DENND1A: variants seen among roughly 807,000 people sequenced by gnomAD.
DENND1A encodes DENN domain-containing protein 1A.
A neutral mutation model predicts 113.7 loss-of-function variants in DENND1A; 51 were observed. That is an observed-to-expected ratio of 0.45 (90% CI 0.36 to 0.57). The LOEUF is 0.57. DENND1A is among the 20% of genes least tolerant of loss of function. The pLI is 0.00. For synonymous variants in DENND1A, 565 were observed against 570.8 expected (o/e 0.99, Z 0.14); for missense variants, 1,258 against 1,395.9 (o/e 0.90, Z 1.57).
intron 13 of DENND1A, among the ~76,000 whole-genome samples, chr9:123,490,450 G>C (rs1007676153): frequency 2.0e-5 from 3 of 151,998 alleles, no homozygotes; most frequent in African/African-American, 7.3e-5. Flanking sequence ...TTAGCCAGGC[G>C]TGGTGGGGGG....
At position 123,383,865 on chromosome 9, in the gene DENND1A, G is replaced by A. The variant is rs375875060; in HGVS notation, c.1809C>T (p.Asp603=). Residue 603 remains aspartate (D), a synonymous_variant, in exon 23 of 24, where the codon GAC becomes GAT. Coordinates refer to ENST00000394215, the MANE Select transcript of DENND1A (RefSeq NM_001352964.2). ...CTTGCTGCTCTGGACTCTCTGCCTC[G>A]TCGCCTTCCGCGCTGTCTGACTCCC... ...TLRESDSAEG[D]EAESPEQQVR... The A allele has an allele frequency of 5.0e-5, 81 of 1,613,122 alleles. No homozygotes were observed. Among genetic ancestry groups the A allele is most frequent in the Admixed American group, 1.0e-4 (6 of 60,008 alleles).
chr9:123,869,989 G>A (rs1446439585), intron 2 of DENND1A, among the ~76,000 whole-genome samples: 1 of 123,632 alleles, frequency 8.1e-6, no homozygotes, highest in African/African-American at 3.5e-5. Flanking sequence ...GGTGATGAGA[G>A]CAAGACCCTG....
chr9:123,557,438 C>G, intron 13 of DENND1A, 132 bp downstream of exon 13: 1 of 1,374,452 alleles, frequency 7.3e-7, no homozygotes, highest in African/African-American at 1.4e-5. Flanking sequence ...CACTGTCCCC[C>G]ACCACAAACA....
intron 5 of DENND1A, among the ~76,000 whole-genome samples, chr9:123,721,012 C>A (rs1589804685): frequency 6.6e-6 from 1 of 152,230 alleles, no homozygotes; most frequent in African/African-American, 2.4e-5. Flanking sequence ...TGACCCAGAA[C>A]TGTCTTCAGC....
chr9:123,838,642 G>A (rs1841394894), intron 2 of DENND1A, among the ~76,000 whole-genome samples: 1 of 152,134 alleles, frequency 6.6e-6, no homozygotes, highest in African/African-American at 2.4e-5. Context: ...AGATATGTTG[G>A]CCAATCAATC....
At chr9:123,637,256 G>T (rs888858153) in intron 9 of DENND1A, among the ~76,000 whole-genome samples, 1 of 152,216 alleles carries the variant, frequency 6.6e-6, no homozygotes, top group African/African-American at 2.4e-5. Context: ...CCAGATTACT[G>T]ACTTTAAAGG....
At chr9:123,856,924 T>A (rs1844300537) in intron 2 of DENND1A, among the ~76,000 whole-genome samples, 2 of 151,432 alleles carry the variant, frequency 1.3e-5, no homozygotes, top group South Asian at 4.2e-4. Flanking sequence ...AAGTTACAAA[T>A]ATGGAAAGGG....
chr9:123,898,374 G>T (rs1851095720), intron 1 of DENND1A, among the ~76,000 whole-genome samples: 2 of 152,060 alleles, frequency 1.3e-5, no homozygotes, highest in South Asian at 4.1e-4. Context: ...CTGTAGCCCA[G>T]ACTGGAGTGC....
rs372720982 is a variant in DENND1A, at chr9:123,523,552, G to A, written c.993+34018C>T. 6.6e-5 allele frequency among the ~76,000 whole-genome samples: 10 copies of A among 152,204 alleles called. No homozygotes were observed. The East Asian group carries it at 1.5e-3, about 23-fold the overall frequency. Reference sequence around the variant, plus strand: ...CACCAGGTGAAAAAGTTCACAGCTTGTTCTTGGAATATTAGAGTTGAAATT... The same window carrying A: ...CACCAGGTGAAAAAGTTCACAGCTTATTCTTGGAATATTAGAGTTGAAATT... On this transcript the variant is annotated intron_variant, in intron 13 of 23. Transcript: ENST00000394215.
intron 21 of DENND1A, among the ~76,000 whole-genome samples, chr9:123,393,268 T>TGTC (rs1297990015): frequency 6.6e-6 from 1 of 152,220 alleles, no homozygotes; most frequent in Admixed American, 6.5e-5. Context: ...TCTGGGCATC[T>TGTC]GTATCCTGTG....
At chr9:123,634,848 A>G (rs2061630656) in intron 9 of DENND1A, among the ~76,000 whole-genome samples, 1 of 152,220 alleles carries the variant, frequency 6.6e-6, no homozygotes, top group Non-Finnish European at 1.5e-5. Flanking sequence ...GACAAATTAT[A>G]CAGCCAACAG....
chr9:123,437,779 T>C (rs1355062574), intron 19 of DENND1A: 1 of 152,132 alleles, frequency 6.6e-6, no homozygotes, highest in African/African-American at 2.4e-5. Flanking sequence ...ATGGGGCTAA[T>C]GGTCCCTTCC....
rs535235044 is a variant in DENND1A at position 123,479,650 on chromosome 9, C to G, written c.994-21753G>C. On this transcript the variant is annotated intron_variant, in intron 13 of 23. Transcript: ENST00000394215. ...GTTAGTTGGGCGGAAAGAGAAGTGG[C>G]CCCAAGAGAGCATCTGGATGCCAGA... 2.0e-5 allele frequency among the ~76,000 whole-genome samples: 3 copies of G among 152,338 alleles called. No individual in the cohort carries two copies. The East Asian group carries it at 5.8e-4, about 29-fold the overall frequency.
intron 6 of DENND1A, among the ~76,000 whole-genome samples, chr9:123,672,688 T>A (rs921667504): frequency 1.3e-5 from 2 of 152,194 alleles, no homozygotes; most frequent in African/African-American, 4.8e-5. Flanking sequence ...CTAACTTGTG[T>A]CTCTTGTCTT....
intron 5 of DENND1A, among the ~76,000 whole-genome samples, chr9:123,678,485 C>A (rs954904299): frequency 1.3e-5 from 2 of 152,192 alleles, no homozygotes; most frequent in African/African-American, 4.8e-5. Context: ...CCCTGCTGTG[C>A]TAACAGAGTC....
intron 8 of DENND1A, 119 bp downstream of exon 8, chr9:123,666,907 T>C: frequency 9.5e-7 from 1 of 1,057,214 alleles, no homozygotes; most frequent in East Asian, 3.0e-5. Flanking sequence ...TAATGTGTTT[T>C]TTAAAAACCA....
At chr9:123,835,606 T>C (rs1840935595) in intron 2 of DENND1A, among the ~76,000 whole-genome samples, 1 of 151,640 alleles carries the variant, frequency 6.6e-6, no homozygotes, top group South Asian at 2.1e-4. Flanking sequence ...CAAACTACTA[T>C]TCGTTTACCT....
At chr9:123,662,899 G>A (rs1263415757) in intron 8 of DENND1A, among the ~76,000 whole-genome samples, 1 of 152,144 alleles carries the variant, frequency 6.6e-6, no homozygotes, top group Non-Finnish European at 1.5e-5. Context: ...AGTGTTATAG[G>A]TGGTAAAAGA....
At chr9:123,813,232 G>T (rs994850766) in intron 2 of DENND1A, among the ~76,000 whole-genome samples, 1 of 152,146 alleles carries the variant, frequency 6.6e-6, no homozygotes, top group African/African-American at 2.4e-5. Context: ...CAATATGTGG[G>T]ATTACAGGTG....
Sources: allele counts gnomAD v4.1 joint callset (sites outside exome capture counted in the v4.1 genomes callset), GRCh38; gene constraint gnomAD v4.1.1; transcripts MANE v1.5; gene names NCBI Gene and HGNC (gene_info 2026-07-23, HGNC 2026-07-21).